HDAC10: variants seen among roughly 807,000 people sequenced by gnomAD.
HDAC10 encodes polyamine deacetylase HDAC10.
A neutral mutation model predicts 82.3 loss-of-function variants in HDAC10; 90 were observed. The ratio of observed to expected loss-of-function variants is 1.09; its 90% CI spans 0.92 to 1.30. HDAC10 has a LOEUF of 1.30. Among genes scored for constraint, HDAC10 ranks in the 50% most tolerant of loss-of-function variants. The pLI is 0.00. For missense variants in HDAC10, 934 were observed against 876.3 expected (o/e 1.07, Z -0.83); for synonymous variants, 456 against 391.7 (o/e 1.16, Z -1.94).
At chr22:50,247,291 C>T (rs955285350) in intron 14 of HDAC10, 38 of 315,260 alleles carry the variant, frequency 1.2e-4, no homozygotes, top group African/African-American at 7.1e-4. Flanking sequence ...CACCACCACG[C>T]TTGGCTGACT....
In HDAC10 at chr22:50,245,915, C is replaced by G; in HGVS notation, c.1828G>C (p.Glu610Gln). Reference sequence around the variant, plus strand: ...CTCCACCCTGCCCAGCTTACCTCCTCCAGGAGGGCCAGGACTCGGCCCCCT... The same window carrying G: ...CTCCACCCTGCCCAGCTTACCTCCTGCAGGAGGGCCAGGACTCGGCCCCCT... ...LAGGRVLALL[E>Q]ENSTPQLAGI... The change falls in exon 18 of 20, where the codon GAG becomes CAG. Residue 610 changes from glutamate to glutamine, a missense_variant. Physicochemically the swap from Glu to Gln is conservative, Grantham distance 29. Transcript: ENST00000216271. 3 of 1,575,790 alleles carry G rather than the reference C, an allele frequency of 1.9e-6. No homozygotes were observed. Among genetic ancestry groups the G allele is most frequent in the Non-Finnish European group, 2.6e-6 (3 of 1,161,372 alleles).
Position 50,249,486 on chromosome 22 carries a change from AG to A in HDAC10, c.564-33del. 1 of 1,611,868 alleles carries A rather than the reference AG, an allele frequency of 6.2e-7. No homozygotes were observed. The highest frequency in any genetic ancestry group is 8.5e-7 in the Non-Finnish European group (1 of 1,179,402). On this transcript the variant is annotated intron_variant, in intron 6 of 19. Coordinates refer to ENST00000216271, the MANE Select transcript of HDAC10 (RefSeq NM_032019.6). The surrounding 1 kb of genome is among the most constrained non-coding windows in gnomAD (Gnocchi z 4.4). ...ACAGCCAGCCAGGGCCAGAGGTCAA[AG>A]GTCAGGACCCTCAACAGCTCTACAG...
At chr22:50,246,794 ACT>A (rs1258684473) in intron 15 of HDAC10, 59 bp from the exon 16 acceptor site, 41 of 1,602,720 alleles carry the variant, frequency 2.6e-5, no homozygotes, top group South Asian at 6.6e-5. Context: ...CATTCCCAGA[ACT>A]CTCTGTGCTT....
At position 50,249,270 on chromosome 22, in the gene HDAC10, AGGGGAGGGGCCCAG is replaced by A; in HGVS notation, c.690+44_690+57del. 1 of 782,350 alleles carries A rather than the reference AGGGGAGGGGCCCAG, an allele frequency of 1.3e-6. No individual in the cohort carries two copies. The allele number at this position is 782,350 out of a possible 1,614,324, so 48.5% of individuals were successfully genotyped here. A position where few individuals can be genotyped will look rare whatever the true frequency, so the allele number is the denominator to read the frequency against. ...GGGGCTTGAGGGTGAACTGTGGGGG[AGGGGAGGGGCCCAG>A]GGGGAGGGGGCTGGGTGGGGACCTG... On this transcript the variant is annotated intron_variant, in intron 7 of 19. Transcript: ENST00000216271. This position sits in a 1 kb window ranked among gnomAD's most constrained non-coding sequence, Gnocchi z 4.4.
intron 16 of HDAC10, 93 bp from the exon 17 acceptor site, chr22:50,246,469 T>C (rs1240201199): frequency 8.6e-7 from 1 of 1,167,866 alleles, no homozygotes; most frequent in African/African-American, 1.5e-5. Context: ...CACGGGGCCA[T>C]GGGCAGGGGT....
Position 50,247,911 on chromosome 22 carries a change from TC to T in HDAC10, c.1315del (p.Glu439ArgfsTer29). 6.2e-7 allele frequency: 1 copy of T among 1,612,702 alleles called. No individual in the cohort carries two copies. The highest frequency in any genetic ancestry group is 8.5e-7 in the Non-Finnish European group (1 of 1,179,938). ...CCACCTGGCCCAGGCTTCTGTCTCCTCCCTCAGGGCTGACGCTTCCTGTTGG... is the reference window on the plus strand; with the variant it reads ...CCACCTGGCCCAGGCTTCTGTCTCCTCCTCAGGGCTGACGCTTCCTGTTGG... ...VIQQEASALR[E>X]ETEAWARPHE... On this transcript the variant is annotated frameshift_variant, in exon 13 of 20. Transcript: ENST00000216271. LOFTEE classifies it high-confidence loss of function.
In HDAC10 at chr22:50,245,299, G is replaced by A. The variant is rs1282099155; in HGVS notation, c.*208C>T. On this transcript the variant is annotated 3_prime_UTR_variant, in exon 20 of 20. Transcript: ENST00000216271. ...ATGGGCCTCGATGGGACGGGCCGGG[G>A]CGCGATGGGTGGGGCGGGGGCGAGG... 7 of 617,890 alleles carry A rather than the reference G, an allele frequency of 1.1e-5. No homozygotes were observed. Among genetic ancestry groups the A allele is most frequent in the Admixed American group, 5.2e-5 (2 of 38,444 alleles). The allele number at this position is 617,890 out of a possible 1,614,324, so 38.3% of individuals were successfully genotyped here.
At position 50,245,720 on chromosome 22, in the gene HDAC10, C is replaced by T; in HGVS notation, c.1941G>A (p.Leu647=). 8 of 1,613,268 alleles carry T rather than the reference C, an allele frequency of 5.0e-6. No individual in the cohort carries two copies. Among genetic ancestry groups the T allele is most frequent in the Non-Finnish European group, 6.8e-6 (8 of 1,179,938 alleles). ...GCTCCAGCTGCCCTCTCAGGTACATCAGGGCCTGGACGTCCTCTGGGGAGG... is the reference window on the plus strand; with the variant it reads ...GCTCCAGCTGCCCTCTCAGGTACATTAGGGCCTGGACGTCCTCTGGGGAGG... ...SVASPEDVQA[L]MYLRGQLEPQ... is the part of the protein sequence containing the mutation. The change falls in exon 19 of 20, where the codon CTG becomes CTA. Residue 647 remains leucine (L), a synonymous_variant. Coordinates refer to ENST00000216271, the MANE Select transcript of HDAC10 (RefSeq NM_032019.6).
chr22:50,249,565 T>C lies in HDAC10; in HGVS notation c.563+70A>G. The stretch of plus-strand genomic sequence containing the variant: ...ACATGTCTGTATCTCACCCCTGGAT[T>C]TTCCCAGGCCAGGCTGTGCACCCAA... On this transcript the variant is annotated intron_variant, in intron 6 of 19. Coordinates refer to ENST00000216271, the MANE Select transcript of HDAC10 (RefSeq NM_032019.6). The surrounding 1 kb of genome is among the most constrained non-coding windows in gnomAD (Gnocchi z 4.4). 1 of 1,607,366 alleles carries C rather than the reference T, an allele frequency of 6.2e-7. No homozygotes were observed. The highest frequency in any genetic ancestry group is 1.7e-5 in the Admixed American group (1 of 59,882).
chr22:50,246,626 C>A, intron 16 of HDAC10, 53 bp downstream of exon 16: 1 of 1,539,944 alleles, frequency 6.5e-7, no homozygotes, highest in Non-Finnish European at 9.0e-7. Flanking sequence ...ACACGTCCAT[C>A]ACATGCCCGT....
At position 50,246,694 on chromosome 22, in the gene HDAC10, T is replaced by G; in HGVS notation, c.1556A>C (p.Asp519Ala). The stretch of plus-strand genomic sequence containing the variant: ...AGAGTCCTACCCGTCATGGGCGAGG[T>G]CTGGAGGCCGGTCCAGCTGTCCCAG... ...VALGQLDRPP[D>A]LAHDGRSLWL... The change falls in exon 16 of 20, where the codon GAC becomes GCC. Residue 519 changes from aspartate to alanine, a missense_variant. Coordinates refer to ENST00000216271, the MANE Select transcript of HDAC10 (RefSeq NM_032019.6). The G allele has an allele frequency of 6.2e-7, 1 of 1,611,448 alleles. No individual in the cohort carries two copies. Among genetic ancestry groups the G allele is most frequent in the East Asian group, 2.2e-5 (1 of 44,880 alleles).
chr22:50,246,964 C>G lies in HDAC10; in HGVS notation c.1425G>C (p.Val475=). 1 of 1,599,206 alleles carries G rather than the reference C, an allele frequency of 6.3e-7. No homozygotes were observed. The highest frequency in any genetic ancestry group is 1.1e-5 in the South Asian group (1 of 89,980). The part of the protein sequence containing the change: ...YLLDGMLDGQ[V]NSGIAATPAS... ...CTGGAGTGGCTGCTATACCACTGTT[C>G]ACCTGTGGGATGAATAAACAGTGGA... is the stretch of plus-strand genomic sequence containing the variant. The change falls in exon 15 of 20, where the codon GTG becomes GTC. Residue 475 remains valine (V), a splice_region_variant and synonymous_variant. Transcript: ENST00000216271.
rs1431565885 is a variant in HDAC10 at position 50,250,761 on chromosome 22, C to T, written c.194+10G>A. The T allele has an allele frequency of 2.5e-6, 4 of 1,575,232 alleles. No individual in the cohort carries two copies. The highest frequency in any genetic ancestry group is 2.3e-5 in the South Asian group (2 of 86,212). On this transcript the variant is annotated intron_variant, in intron 2 of 19. Transcript: ENST00000216271. ...CCGCCCCCCATCGTGGGGCCTGCCC[C>T]CGTCCTGACCTGTGCACCAGGCCCA...
chr22:50,250,961 A>G lies in HDAC10; in HGVS notation c.59+13T>C. On this transcript the variant is annotated intron_variant, in intron 1 of 19. Transcript: ENST00000216271. The stretch of plus-strand genomic sequence containing the variant: ...TCCCTCCCCGCACCCCACCTCGGCC[A>G]GGTCCCACTTACTCGTCCCAGAGCA... The G allele has an allele frequency of 6.2e-7, 1 of 1,612,116 alleles. No homozygotes were observed. The highest frequency in any genetic ancestry group is 8.5e-7 in the Non-Finnish European group (1 of 1,179,402).
In HDAC10 at chr22:50,250,987, G is replaced by C. The variant is rs2065077989; in HGVS notation, c.46C>G (p.Leu16Val). The change falls in exon 1 of 20, where the codon CTG becomes GTG. Residue 16 changes from leucine (L) to valine (V), a missense_variant. By Grantham distance (32) the Leu-to-Val change is conservative (BLOSUM62 1). Transcript: ENST00000216271. Reference sequence around the variant, plus strand: ...GGTCCCACTTACTCGTCCCAGAGCAGCCGGGTGGCCGTCATGTCCTCATGG... The same window carrying C: ...GGTCCCACTTACTCGTCCCAGAGCACCCGGGTGGCCGTCATGTCCTCATGG... Reference protein sequence around the residue: ...VYHEDMTATRLLWDDPECEIE... With the variant: ...VYHEDMTATRVLWDDPECEIE... 1 of 1,612,570 alleles carries C rather than the reference G, an allele frequency of 6.2e-7. No individual in the cohort carries two copies. The highest frequency in any genetic ancestry group is 1.1e-5 in the South Asian group (1 of 91,072).
Position 50,250,543 on chromosome 22 carries a change from C to T in HDAC10, c.195-20G>A, listed in dbSNP as rs371030616. 5 of 1,587,296 alleles carry T rather than the reference C, an allele frequency of 3.2e-6. No individual in the cohort carries two copies. In the African/African-American group the frequency reaches 6.7e-5, roughly 21 times the overall value. ...TCTGGGCTGCATGCAGATGGGCAGG[C>T]AGGAGAGGCAGGGTCACCAGCAGGA... is the stretch of plus-strand genomic sequence containing the variant. On this transcript the variant is annotated intron_variant, in intron 2 of 19. Transcript: ENST00000216271.
chr22:50,251,229 G>A lies in HDAC10; in HGVS notation c.-197C>T, dbSNP rs2065084068. The A allele has an allele frequency of 5.3e-6, 3 of 565,638 alleles. No individual in the cohort carries two copies. The South Asian group carries it at 6.9e-5, about 13-fold the overall frequency. The allele number at this position is 565,638 out of a possible 1,614,324, so 35.0% of individuals were successfully genotyped here. On this transcript the variant is annotated 5_prime_UTR_variant, in exon 1 of 20. Coordinates refer to ENST00000216271, the MANE Select transcript of HDAC10 (RefSeq NM_032019.6). ...ATCCCAGGCGCGCAGAAGGCACGGA[G>A]CGAGGCTGCAGTCGAAGGGGGAGGC...
chr22:50,250,647 C>A, intron 2 of HDAC10, 124 bp from the exon 3 acceptor site: 1 of 1,330,682 alleles, frequency 7.5e-7, no homozygotes, highest in South Asian at 1.3e-5. Flanking sequence ...TGTGAGCCCA[C>A]CCGAGGTGCA....
Position 50,250,470 on chromosome 22 carries a change from A to T in HDAC10, c.248T>A (p.Leu83Gln), listed in dbSNP as rs2065061150. The T allele has an allele frequency of 6.2e-7, 1 of 1,612,986 alleles. No homozygotes were observed. The highest frequency in any genetic ancestry group is 1.3e-5 in the African/African-American group (1 of 75,046). ...GTCGAACTGTCCGGACAGCGCCTGCAGCTCCTCCTTGCCTAGGACCTGGGT... is the reference window on the plus strand; with the variant it reads ...GTCGAACTGTCCGGACAGCGCCTGCTGCTCCTCCTTGCCTAGGACCTGGGT... ...RETQVLGKEE[L>Q]QALSGQFDAI... Residue 83 changes from leucine to glutamine, a missense_variant, in exon 3 of 20, where the codon CTG becomes CAG. Transcript: ENST00000216271.
Sources: allele counts gnomAD v4.1 joint callset, GRCh38; gene constraint gnomAD v4.1.1; non-coding constraint Gnocchi (gnomAD v3.1); transcripts MANE v1.5; gene names NCBI Gene and HGNC (gene_info 2026-07-23, HGNC 2026-07-21).